Variants in PIP5K1B observed in about 807,000 individuals in gnomAD.
PIP5K1B encodes the protein phosphatidylinositol 4-phosphate 5-kinase type-1 beta.
In PIP5K1B, 42 loss-of-function variants were observed where a neutral mutation model predicts 67.0. The ratio of observed to expected loss-of-function variants is 0.63; its 90% CI spans 0.49 to 0.81. The LOEUF is 0.81. PIP5K1B is among the 30% of genes least tolerant of loss of function. The probability of loss-of-function intolerance (pLI) is 0.00; values close to 1 mark genes in which losing one functional copy is unlikely to be tolerated. For synonymous variants in PIP5K1B, 214 were observed against 231.4 expected (o/e 0.92, Z 0.68); for missense variants, 459 against 646.3 (o/e 0.71, Z 3.14).
chr9:68,955,502 A>G (rs1180630656), intron 14 of PIP5K1B, among the ~76,000 whole-genome samples: 1 of 152,216 alleles, frequency 6.6e-6, no homozygotes, highest in Non-Finnish European at 1.5e-5. Flanking sequence ...GCCTCCCGTG[A>G]CATAGAAACA....
At position 68,982,085 on chromosome 9, in the gene PIP5K1B, T is replaced by G. The variant is rs540181019; in HGVS notation, c.1503-9055T>G. ...CAGACAGCCTGAATCGAGAGAATTG[T>G]GGCAAAACTTGATGGTGCAGAACCT... On this transcript the variant is annotated intron_variant, in intron 14 of 15. Coordinates refer to ENST00000265382, the MANE Select transcript of PIP5K1B (RefSeq NM_003558.4). 5.3e-5 allele frequency among the ~76,000 whole-genome samples: 8 copies of G among 152,334 alleles called. No individual in the cohort carries two copies. The South Asian group carries it at 1.7e-3, about 32-fold the overall frequency.
At chr9:68,942,511 G>A (rs779377616) in intron 14 of PIP5K1B, among the ~76,000 whole-genome samples, 4 of 152,044 alleles carry the variant, frequency 2.6e-5, no homozygotes, top group Non-Finnish European at 5.9e-5. Flanking sequence ...CTTGACCAGG[G>A]GTGTTAGACT....
chr9:68,919,460 T>G lies in PIP5K1B; in HGVS notation c.984-19T>G. 1 of 1,291,272 alleles carries G rather than the reference T, an allele frequency of 7.7e-7. No individual in the cohort carries two copies. The highest frequency in any genetic ancestry group is 1.1e-6 in the Non-Finnish European group (1 of 915,714). 80.0% of individuals were successfully genotyped at this position (1,291,272 alleles called of 1,614,324 possible). A position where few individuals can be genotyped will look rare whatever the true frequency, so the allele number is the denominator to read the frequency against. On this transcript the variant is annotated intron_variant, in intron 9 of 15. Coordinates refer to ENST00000265382, the MANE Select transcript of PIP5K1B (RefSeq NM_003558.4). ...TTATAATATGTAATCAAATATTTTC[T>G]CTTTTGCTCCATCAACAGAATGGGA...
chr9:68,908,611 T>C (rs1587650410), intron 8 of PIP5K1B, among the ~76,000 whole-genome samples: 1 of 152,184 alleles, frequency 6.6e-6, no homozygotes, highest in Admixed American at 6.5e-5. Context: ...CATTATGACA[T>C]TAGCAAAGAA....
At chr9:68,904,590 G>T (rs912090324) in intron 8 of PIP5K1B, among the ~76,000 whole-genome samples, 4 of 152,150 alleles carry the variant, frequency 2.6e-5, no homozygotes, top group Non-Finnish European at 5.9e-5. Flanking sequence ...AGTTAAAAGC[G>T]AGGCTTCCTT....
intron 14 of PIP5K1B, among the ~76,000 whole-genome samples, chr9:68,969,272 G>A (rs891489463): frequency 1.3e-4 from 20 of 151,544 alleles, no homozygotes; most frequent in Admixed American, 1.1e-3. Flanking sequence ...GGAGGCTGAG[G>A]CAGGAGAATG....
At chr9:68,897,916 C>T (rs1172539546) in intron 8 of PIP5K1B, among the ~76,000 whole-genome samples, 1 of 152,136 alleles carries the variant, frequency 6.6e-6, no homozygotes, top group Non-Finnish European at 1.5e-5. Context: ...TTCCCTGCTC[C>T]CCATGGACTG....
intron 1 of PIP5K1B, among the ~76,000 whole-genome samples, chr9:68,710,231 T>C (rs1294073088): frequency 3.3e-5 from 5 of 151,516 alleles, no homozygotes; most frequent in Admixed American, 3.3e-4. Flanking sequence ...GAATCCTTCA[T>C]TTTTTTTTAG....
chr9:68,939,653 G>A (rs1827458379), intron 13 of PIP5K1B, among the ~76,000 whole-genome samples: 1 of 152,180 alleles, frequency 6.6e-6, no homozygotes, highest in Admixed American at 6.6e-5. Flanking sequence ...ACCCCAGTGT[G>A]TCGTCTGATT....
chr9:68,774,716 C>G (rs1192664888), intron 2 of PIP5K1B, among the ~76,000 whole-genome samples: 1 of 152,152 alleles, frequency 6.6e-6, no homozygotes, highest in Non-Finnish European at 1.5e-5. Context: ...ATTCCAAGAC[C>G]CCCAGTGGAT....
At chr9:68,949,456 CTGTCTGTGG>C (rs1405012417) in intron 14 of PIP5K1B, among the ~76,000 whole-genome samples, 4 of 152,208 alleles carry the variant, frequency 2.6e-5, no homozygotes, top group Non-Finnish European at 2.9e-5. Flanking sequence ...GAAACAGCAC[CTGTCTGTGG>C]TTCAGCTGAG....
chr9:68,915,491 C>T (rs1182657587), intron 8 of PIP5K1B, among the ~76,000 whole-genome samples: 1 of 152,156 alleles, frequency 6.6e-6, no homozygotes, highest in African/African-American at 2.4e-5. Flanking sequence ...GTCTTTCTTT[C>T]TCCCATGGTC....
intron 7 of PIP5K1B, among the ~76,000 whole-genome samples, chr9:68,891,424 C>T (rs1824778682): frequency 6.7e-6 from 1 of 149,538 alleles, no homozygotes; most frequent in Admixed American, 6.7e-5. Flanking sequence ...AATTAAAATT[C>T]TAAAAATTGG....
chr9:68,778,575 A>T (rs1421787611), intron 2 of PIP5K1B, among the ~76,000 whole-genome samples: 9 of 152,176 alleles, frequency 5.9e-5, no homozygotes, highest in African/African-American at 1.4e-4. Flanking sequence ...CTCCCCATTG[A>T]CACTGCTACA....
chr9:68,824,036 A>G (rs1474171831), intron 4 of PIP5K1B: 3 of 513,536 alleles, frequency 5.8e-6, no homozygotes, highest in Admixed American at 2.0e-5. Flanking sequence ...GTGCCGCAGT[A>G]TATTTTATAA....
chr9:68,833,938 A>G (rs11143938), intron 4 of PIP5K1B, among the ~76,000 whole-genome samples: 14,258 of 152,260 alleles, frequency 0.094, 854 homozygotes, highest in Non-Finnish European at 0.14. Context: ...CTCAAGGAAG[A>G]GGTCTGGGGC....
At chr9:68,883,885 A>G (rs910446911) in intron 6 of PIP5K1B, among the ~76,000 whole-genome samples, 3 of 152,096 alleles carry the variant, frequency 2.0e-5, no homozygotes, top group Non-Finnish European at 2.9e-5. Context: ...AGAAGTGGCA[A>G]CCACACACAA....
intron 2 of PIP5K1B, among the ~76,000 whole-genome samples, chr9:68,775,142 TG>T (rs1442924406): frequency 6.6e-6 from 1 of 152,258 alleles, no homozygotes; most frequent in Non-Finnish European, 1.5e-5. Flanking sequence ...TCAATTGGAA[TG>T]CTTTCTGTTC....
At chr9:68,805,321 C>T (rs1444881110) in intron 2 of PIP5K1B, among the ~76,000 whole-genome samples, 1 of 152,120 alleles carries the variant, frequency 6.6e-6, no homozygotes, top group Non-Finnish European at 1.5e-5. Context: ...CCTCGAATAC[C>T]TGGAGTTTCT....
Sources: allele counts gnomAD v4.1 joint callset (sites outside exome capture counted in the v4.1 genomes callset), GRCh38; gene constraint gnomAD v4.1.1; transcripts MANE v1.5; gene names NCBI Gene and HGNC (gene_info 2026-07-23, HGNC 2026-07-21).